Variants in CAST observed in about 807,000 individuals in gnomAD.
CAST encodes the protein calpastatin, also known as MIR583 host.
In CAST, 76 loss-of-function variants were observed where a neutral mutation model predicts 119.6. That is an observed-to-expected ratio of 0.64 (90% CI 0.53 to 0.77). The LOEUF is 0.77. Among genes scored for constraint, CAST ranks in the 30% least tolerant of loss-of-function variants. The pLI is 0.00. For missense variants in CAST, 953 were observed against 946.5 expected, an observed-to-expected ratio of 1.01 and a Z score of -0.09; for synonymous variants, 319 against 331.6, an observed-to-expected ratio of 0.96 and a Z score of 0.41.
At chr5:96,246,213 T>G in the CAST span, among the ~76,000 whole-genome samples, 1 of 143,304 alleles carries the variant, frequency 7.0e-6, no homozygotes, top group Non-Finnish European at 1.5e-5. Flanking sequence ...GACGGAGTCT[T>G]GCTCTGTCGC....
At chr5:96,078,170 C>G in the CAST span, among the ~76,000 whole-genome samples, 1 of 152,148 alleles carries the variant, frequency 6.6e-6, no homozygotes. Context: ...GACAGCCCGA[C>G]CCTCATGTCC....
chr5:96,175,610 G>A, the CAST span, among the ~76,000 whole-genome samples: 27 of 152,304 alleles, frequency 1.8e-4, no homozygotes, highest in Admixed American at 7.2e-4. Context: ...TTTACACAAC[G>A]TTGGTCAGTG....
chr5:96,401,318 G>T, the CAST span, among the ~76,000 whole-genome samples: 2 of 152,064 alleles, frequency 1.3e-5, no homozygotes, highest in African/African-American at 4.8e-5. Context: ...AGAGAAGAAG[G>T]CCACTGGAGC....
At chr5:96,231,164 A>G in the CAST span, among the ~76,000 whole-genome samples, 10 of 152,294 alleles carry the variant, frequency 6.6e-5, no homozygotes, top group African/African-American at 2.4e-4. Flanking sequence ...ACATGTCTAA[A>G]CAACATCTTG....
chr5:96,460,061 A>G, the CAST span, among the ~76,000 whole-genome samples: 6 of 152,278 alleles, frequency 3.9e-5, no homozygotes, highest in Admixed American at 2.0e-4. Context: ...GGTGGAAAAT[A>G]CACAGGTCAA....
the CAST span, among the ~76,000 whole-genome samples, chr5:96,101,125 G>A: frequency 1.3e-5 from 2 of 152,086 alleles, no homozygotes; most frequent in African/African-American, 4.8e-5. Flanking sequence ...TGCCCAGGAT[G>A]GTCTTAAACT....
At chr5:96,340,155 G>T in the CAST span, among the ~76,000 whole-genome samples, 1 of 152,158 alleles carries the variant, frequency 6.6e-6, no homozygotes, top group African/African-American at 2.4e-5. Flanking sequence ...GTTATATTTT[G>T]CAGCATCTAA....
At chr5:96,176,254 G>T in the CAST span, among the ~76,000 whole-genome samples, 2 of 152,350 alleles carry the variant, frequency 1.3e-5, no homozygotes, top group East Asian at 3.9e-4. Flanking sequence ...GAAGTGTATA[G>T]TTCAAGAGAT....
At chr5:96,385,679 G>A in the CAST span, among the ~76,000 whole-genome samples, 2 of 152,192 alleles carry the variant, frequency 1.3e-5, no homozygotes, top group African/African-American at 4.8e-5. Flanking sequence ...ATCTGCAGTA[G>A]ATTCCTATGG....
chr5:96,493,880 C>T, the CAST span, among the ~76,000 whole-genome samples: 1 of 151,978 alleles, frequency 6.6e-6, no homozygotes, highest in African/African-American at 2.4e-5. Context: ...ACTAAAAAAA[C>T]AAAAATTAGT....
At chr5:96,618,242 C>A (rs191794085) in intron 1 of CAST, among the ~76,000 whole-genome samples, 66 of 152,330 alleles carry the variant, frequency 4.3e-4, no homozygotes, top group Non-Finnish European at 7.1e-4. Context: ...TCTATCTGAG[C>A]TCTGTGCTTC....
chr5:96,253,131 C>T, the CAST span, among the ~76,000 whole-genome samples: 4 of 152,100 alleles, frequency 2.6e-5, no homozygotes, highest in Admixed American at 6.6e-5. Flanking sequence ...TTTCTTTTCA[C>T]ACCATTTTCA....
At chr5:96,542,580 ATGTG>A (rs1376790513) in intron 1 of CAST, among the ~76,000 whole-genome samples, 2 of 23,196 alleles carry the variant, frequency 8.6e-5, no homozygotes, top group Non-Finnish European at 9.8e-5. Flanking sequence ...GGCACCAAAG[ATGTG>A]TGTATTTTCT....
chr5:96,448,504 G>A, the CAST span, among the ~76,000 whole-genome samples: 7 of 152,204 alleles, frequency 4.6e-5, no homozygotes, highest in Admixed American at 2.0e-4. Context: ...AACAGTTTCC[G>A]TGCCCCCTAT....
At chr5:96,468,163 G>T in the CAST span, among the ~76,000 whole-genome samples, 7 of 152,014 alleles carry the variant, frequency 4.6e-5, no homozygotes, top group Non-Finnish European at 1.5e-5. Flanking sequence ...TTATTTATAA[G>T]TAAGAGCTGA....
the CAST span, among the ~76,000 whole-genome samples, chr5:96,131,224 T>C: frequency 6.6e-6 from 1 of 152,082 alleles, no homozygotes; most frequent in Non-Finnish European, 1.5e-5. Flanking sequence ...TCTATTAACC[T>C]AGAGAGATGC....
At chr5:96,604,892 A>G (rs1747224263) in intron 1 of CAST, among the ~76,000 whole-genome samples, 1 of 152,230 alleles carries the variant, frequency 6.6e-6, no homozygotes, top group Non-Finnish European at 1.5e-5. Flanking sequence ...GACTAGAGGA[A>G]GGAGTATCCT....
chr5:96,040,984 G>A, the CAST span, among the ~76,000 whole-genome samples: 1 of 152,140 alleles, frequency 6.6e-6, no homozygotes, highest in Admixed American at 6.6e-5. Context: ...GAATTCGGCT[G>A]TGAATCCTTC....
intron 1 of CAST, among the ~76,000 whole-genome samples, chr5:96,556,572 C>T (rs189849703): frequency 3.3e-5 from 5 of 152,120 alleles, no homozygotes; most frequent in African/African-American, 4.8e-5. Context: ...GCACAAGCCT[C>T]GGTAGCCTAT....
Sources: gnomAD v4.1 joint callset for allele counts (sites outside exome capture counted in the v4.1 genomes callset) on GRCh38, gnomAD v4.1.1 for gene constraint, MANE v1.5 for transcripts, NCBI Gene and HGNC (gene_info 2026-07-23, HGNC 2026-07-21) for gene names.